Variants in ATOSA observed in about 807,000 individuals in gnomAD.
ATOSA encodes the protein atos homolog protein A.
the ATOSA span, among the ~76,000 whole-genome samples, chr15:52,662,938 T>C: frequency 1.3e-5 from 2 of 152,092 alleles, no homozygotes; most frequent in Non-Finnish European, 2.9e-5. Flanking sequence ...AGTAGATGCA[T>C]GTTGGGTAAT....
At chr15:52,609,514 G>A in the ATOSA span, 2 of 1,613,702 alleles carry the variant, frequency 1.2e-6, no homozygotes, top group African/African-American at 2.7e-5. Flanking sequence ...CTCTCCAACA[G>A]GCATATGAGA....
chr15:52,613,362 T>C, the ATOSA span, among the ~76,000 whole-genome samples: 58 of 152,300 alleles, frequency 3.8e-4, no homozygotes, highest in African/African-American at 1.1e-3. Context: ...CGAGACTCCG[T>C]CTCAAATATA....
chr15:52,680,894 G>C, the ATOSA span, among the ~76,000 whole-genome samples: 13 of 56,750 alleles, frequency 2.3e-4, no homozygotes, highest in Non-Finnish European at 4.5e-4. Context: ...ACTTGGTAAT[G>C]GGAGACAGAA....
At chr15:52,700,395 G>T in the ATOSA span, among the ~76,000 whole-genome samples, 2 of 152,114 alleles carry the variant, frequency 1.3e-5, no homozygotes, top group African/African-American at 4.8e-5. Flanking sequence ...CTTCAGGGGG[G>T]TCTCTGCCCC....
chr15:52,623,740 GAAGAT>G, the ATOSA span, among the ~76,000 whole-genome samples: 1 of 152,124 alleles, frequency 6.6e-6, no homozygotes, highest in Admixed American at 6.6e-5. Context: ...GGTGATGATG[GAAGAT>G]AAGACAAATG....
chr15:52,596,110 A>G, the ATOSA span, among the ~76,000 whole-genome samples: 655 of 152,138 alleles, frequency 4.3e-3, 21 homozygotes, highest in East Asian at 0.09. Flanking sequence ...AAAAGTCCCT[A>G]CCCCTATTAA....
At chr15:52,586,921 G>T in the ATOSA span, 1 of 689,322 alleles carries the variant, frequency 1.5e-6, no homozygotes, top group Non-Finnish European at 2.2e-6. Flanking sequence ...TATGCAAACT[G>T]TCATATGCTA....
the ATOSA span, chr15:52,593,605 T>C: frequency 1.9e-6 from 3 of 1,574,076 alleles, no homozygotes; most frequent in Non-Finnish European, 2.6e-6. Context: ...CATTGTCATC[T>C]GAAACACTGT....
the ATOSA span, among the ~76,000 whole-genome samples, chr15:52,680,211 C>G: frequency 2.0e-5 from 3 of 152,116 alleles, no homozygotes; most frequent in African/African-American, 7.2e-5. Context: ...CATTTAAACA[C>G]AAACAGATGA....
the ATOSA span, chr15:52,652,108 A>T: frequency 7.2e-7 from 1 of 1,394,484 alleles, no homozygotes; most frequent in Non-Finnish European, 9.3e-7. Context: ...GATTGGACAG[A>T]GGGTGTGCTC....
At chr15:52,600,207 C>A in the ATOSA span, 1 of 1,610,072 alleles carries the variant, frequency 6.2e-7, no homozygotes, top group South Asian at 1.1e-5. Flanking sequence ...ATATCTGGAT[C>A]ATCTTCAATG....
At chr15:52,612,667 G>A in the ATOSA span, among the ~76,000 whole-genome samples, 1 of 151,684 alleles carries the variant, frequency 6.6e-6, no homozygotes, top group African/African-American at 2.4e-5. Flanking sequence ...ACCACACCCA[G>A]CGAAGTTTTG....
chr15:52,588,396 G>A, the ATOSA span, among the ~76,000 whole-genome samples: 1 of 152,142 alleles, frequency 6.6e-6, no homozygotes, highest in Non-Finnish European at 1.5e-5. Flanking sequence ...CAATAACCAG[G>A]ATAACCAAAT....
chr15:52,644,252 T>C, the ATOSA span, among the ~76,000 whole-genome samples: 40,789 of 152,130 alleles, frequency 0.27, 6,927 homozygotes, highest in Non-Finnish European at 0.37. Flanking sequence ...TCTATTCTTA[T>C]GGAGGAAAAA....
the ATOSA span, among the ~76,000 whole-genome samples, chr15:52,674,261 G>T: frequency 6.7e-6 from 1 of 149,402 alleles, no homozygotes. Flanking sequence ...TGTTGCCCAG[G>T]GTGGTCTCGA....
chr15:52,585,649 T>C, the ATOSA span, among the ~76,000 whole-genome samples: 4 of 152,196 alleles, frequency 2.6e-5, no homozygotes, highest in South Asian at 2.1e-4. Context: ...AATATTATTA[T>C]AGACCAAAAT....
At chr15:52,609,090 T>A in the ATOSA span, 6 of 1,613,422 alleles carry the variant, frequency 3.7e-6, no homozygotes, top group Non-Finnish European at 5.1e-6. Flanking sequence ...AGGAAGTTGA[T>A]AAACTAGAAC....
At chr15:52,649,501 C>A in the ATOSA span, 2 of 152,126 alleles carry the variant, frequency 1.3e-5, no homozygotes, top group African/African-American at 4.8e-5. Context: ...TCAAAATAAT[C>A]AAAAACAATC....
the ATOSA span, among the ~76,000 whole-genome samples, chr15:52,595,634 A>G: frequency 3.9e-5 from 6 of 152,174 alleles, no homozygotes; most frequent in African/African-American, 1.4e-4. Context: ...CCCAAGGATT[A>G]TTTTTTAAAA....
Sources: allele counts gnomAD v4.1 joint callset (sites outside exome capture counted in the v4.1 genomes callset), GRCh38; gene constraint gnomAD v4.1.1; transcripts MANE v1.5; gene names NCBI Gene and HGNC (gene_info 2026-07-23, HGNC 2026-07-21).